Variants in CACNA1A observed in about 807,000 individuals in gnomAD.
CACNA1A encodes the protein calcium voltage-gated channel subunit alpha1 A.
CACNA1A carries 57 observed loss-of-function variants against 262.4 expected under a neutral mutation model. That is an observed-to-expected ratio of 0.22 (90% CI 0.18 to 0.27). The LOEUF (loss-of-function observed/expected upper bound fraction) is 0.27. Among genes scored for constraint, CACNA1A ranks in the 10% least tolerant of loss-of-function variants. The probability of loss-of-function intolerance (pLI) is 1.00; values close to 1 mark genes in which losing one functional copy is unlikely to be tolerated. For missense variants in CACNA1A, 2,526 were observed against 3,562.8 expected, an observed-to-expected ratio of 0.71 and a Z score of 7.41; for synonymous variants, 1,431 against 1,419.3, an observed-to-expected ratio of 1.01 and a Z score of -0.18.
Position 13,286,728 on chromosome 19 carries a change from G to A in CACNA1A, c.3328C>T (p.Pro1110Ser). ...STDPGPMLAI[P>S]AMATNPQNAA... is the part of the protein sequence containing the mutation. ...TTCTGGGGGTTGGTGGCCATGGCAG[G>A]GATGGCCAGCATGGGGCCGGGGTCG... is the stretch of plus-strand genomic sequence containing the variant. Residue 1110 changes from proline to serine, a missense_variant, in exon 20 of 47, where the codon CCT becomes TCT. By Grantham distance (74) the Pro-to-Ser change is moderately conservative. Transcript: ENST00000360228. 1 of 1,600,162 alleles carries A rather than the reference G, an allele frequency of 6.2e-7. No homozygotes were observed. Among genetic ancestry groups the A allele is most frequent in the Non-Finnish European group, 8.5e-7 (1 of 1,172,272 alleles).
chr19:13,384,133 G>C (rs149732973), intron 3 of CACNA1A, among the ~76,000 whole-genome samples: 20 of 152,238 alleles, frequency 1.3e-4, no homozygotes, highest in African/African-American at 3.4e-4. Flanking sequence ...TTATTAAGTC[G>C]TATTTATTAT....
chr19:13,394,172 G>A (rs554096335), intron 3 of CACNA1A, among the ~76,000 whole-genome samples: 2 of 152,082 alleles, frequency 1.3e-5, no homozygotes, highest in Non-Finnish European at 2.9e-5. Flanking sequence ...CAAGTGTGGC[G>A]GTGGTGGGTC....
chr19:13,303,710 A>C, intron 16 of CACNA1A, 57 bp downstream of exon 16: 1 of 1,552,330 alleles, frequency 6.4e-7, no homozygotes, highest in Non-Finnish European at 8.9e-7. Context: ...AGCCCCTGCA[A>C]CCTCTCCTCT....
In CACNA1A at chr19:13,486,382, C is replaced by G. The variant is rs1484286157; in HGVS notation, c.293+19550G>C. Among the ~76,000 whole-genome samples the G allele has an allele frequency of 3.4e-5, 4 of 119,062 alleles. No individual in the cohort carries two copies. The East Asian group carries it at 7.2e-4, about 21-fold the overall frequency. The allele number at this position is 119,062 out of a possible 152,430, so 78.1% of individuals were successfully genotyped here. On this transcript the variant is annotated intron_variant, in intron 1 of 46. Transcript: ENST00000360228. ...GTTTGTTCTGTCTCTCTCTCTCTCT[C>G]TCTGTCTGTCTGTCTCTCTCTCTCT... is the stretch of plus-strand genomic sequence containing the variant.
In CACNA1A at chr19:13,371,772, C is replaced by T. The variant is rs2059327187; in HGVS notation, c.547G>A (p.Ala183Thr). The stretch of plus-strand genomic sequence containing the variant: ...AGGTCAAACTCCGTCCCAACTGTCG[C>T]CAAGATGCTGAAAGAAAGAAGCCAG... ...DFVVVLTGILATVGTEFDLRT... is the reference protein window; with the variant it reads ...DFVVVLTGILTTVGTEFDLRT... The change falls in exon 4 of 47, where the codon GCG becomes ACG. Residue 183 changes from alanine (A) to threonine (T), a missense_variant. Ala to Thr is a moderately conservative substitution (Grantham distance 58). Coordinates refer to ENST00000360228, the MANE Select transcript of CACNA1A (RefSeq NM_001127222.2). 3 of 1,570,718 alleles carry T rather than the reference C, an allele frequency of 1.9e-6. No homozygotes were observed. The highest frequency in any genetic ancestry group is 1.4e-5 in the African/African-American group (1 of 73,850).
At chr19:13,469,066 G>A (rs1039646412) in intron 1 of CACNA1A, among the ~76,000 whole-genome samples, 1 of 152,044 alleles carries the variant, frequency 6.6e-6, no homozygotes, top group African/African-American at 2.4e-5. Context: ...TCAAAAGCAG[G>A]TGTAGCCAAG....
chr19:13,248,310 T>C (rs1304548096), intron 30 of CACNA1A, among the ~76,000 whole-genome samples: 1 of 148,244 alleles, frequency 6.7e-6, no homozygotes, highest in Admixed American at 6.9e-5. Flanking sequence ...GCGTGGTGGC[T>C]CATGCCTATA....
At chr19:13,259,924 A>C in intron 26 of CACNA1A, 1 of 508,134 alleles carries the variant, frequency 2.0e-6, no homozygotes, top group Non-Finnish European at 3.6e-6. Flanking sequence ...GCACAACCTT[A>C]CTCCTGGTGG....
At chr19:13,421,606 G>T (rs1193592462) in intron 3 of CACNA1A, among the ~76,000 whole-genome samples, 1 of 152,120 alleles carries the variant, frequency 6.6e-6, no homozygotes, top group Non-Finnish European at 1.5e-5. Flanking sequence ...AAGACAGAGG[G>T]ATTCATGCTC....
intron 5 of CACNA1A, chr19:13,363,296 C>A (rs2059143343): frequency 1.5e-5 from 2 of 136,998 alleles, no homozygotes; most frequent in Admixed American, 1.6e-4. Context: ...TTCCAAGAGG[C>A]CCTGCCCCAT....
At chr19:13,443,654 A>G (rs1366001165) in intron 3 of CACNA1A, among the ~76,000 whole-genome samples, 1 of 152,200 alleles carries the variant, frequency 6.6e-6, no homozygotes, top group East Asian at 1.9e-4. Flanking sequence ...TATAATATAT[A>G]GTATATCATA....
chr19:13,334,156 T>G, intron 8 of CACNA1A: 2 of 522,214 alleles, frequency 3.8e-6, no homozygotes, highest in South Asian at 5.5e-5. Flanking sequence ...CAGCGTCTGA[T>G]TTCAGAATTC....
chr19:13,317,420 T>A, intron 10 of CACNA1A, 99 bp from the exon 11 acceptor site: 1 of 976,348 alleles, frequency 1.0e-6, no homozygotes, highest in East Asian at 2.6e-5. Context: ...AGGGGATCCA[T>A]TAGTCTCTCC....
At chr19:13,261,750 G>A in intron 25 of CACNA1A, 140 bp from the exon 26 acceptor site, 1 of 752,670 alleles carries the variant, frequency 1.3e-6, no homozygotes. Flanking sequence ...ACTAGGGTAA[G>A]GTCCCCCCAG....
chr19:13,430,042 A>G, intron 3 of CACNA1A, among the ~76,000 whole-genome samples: 3 of 124,168 alleles, frequency 2.4e-5, no homozygotes, highest in Admixed American at 8.8e-5. Flanking sequence ...GGGAGCGGGG[A>G]GTGAGAGTTT....
At chr19:13,360,474 ATTTTT>A (rs58721308) in intron 5 of CACNA1A, among the ~76,000 whole-genome samples, 8 of 126,248 alleles carry the variant, frequency 6.3e-5, no homozygotes, top group African/African-American at 2.5e-4. Context: ...TGCCACTAGA[ATTTTT>A]TTTTTTTTTT....
chr19:13,364,051 C>G (rs1320486844), intron 5 of CACNA1A: 1 of 152,214 alleles, frequency 6.6e-6, no homozygotes, highest in African/African-American at 2.4e-5. Context: ...GAGCTGAGCC[C>G]TGGGAGAGTG....
At chr19:13,335,692 G>A (rs1026807290) in intron 7 of CACNA1A, 114 bp downstream of exon 7, 2 of 750,696 alleles carry the variant, frequency 2.7e-6, no homozygotes, top group Non-Finnish European at 4.7e-6. Flanking sequence ...CCAAACAAGG[G>A]AAGAAGCCTT....
At chr19:13,319,415 C>T (rs2058201125) in intron 10 of CACNA1A, among the ~76,000 whole-genome samples, 1 of 152,146 alleles carries the variant, frequency 6.6e-6, no homozygotes, top group Non-Finnish European at 1.5e-5. Flanking sequence ...CATCCATTCG[C>T]TCATCCATTC....
Sources: gnomAD v4.1 joint callset for allele counts (sites outside exome capture counted in the v4.1 genomes callset) on GRCh38, gnomAD v4.1.1 for gene constraint, MANE v1.5 for transcripts, NCBI Gene and HGNC (gene_info 2026-07-23, HGNC 2026-07-21) for gene names.